RAB19: variants seen among roughly 807,000 people sequenced by gnomAD.
The protein encoded by RAB19 is ras-related protein Rab-19.
A neutral mutation model predicts 17.3 loss-of-function variants in RAB19; 21 were observed. That is an observed-to-expected ratio of 1.21 (90% CI 0.86 to 1.74). The LOEUF is 1.74. RAB19 is among the 40% of genes most tolerant of loss of function. RAB19 has a pLI of 0.00. For synonymous variants in RAB19, 126 were observed against 110.4 expected, an observed-to-expected ratio of 1.14 and a Z score of -0.88; for missense variants, 277 against 286.8, an observed-to-expected ratio of 0.97 and a Z score of 0.25.
chr7:140,411,719 A>G (rs1799365654), intron 2 of RAB19, 155 bp from the exon 3 acceptor site: 8 of 1,488,146 alleles, frequency 5.4e-6, no homozygotes, highest in African/African-American at 1.4e-5. Flanking sequence ...GGAGCAACTG[A>G]AAGAATAGAT....
At chr7:140,405,833 G>A (rs1029542629) in intron 1 of RAB19, among the ~76,000 whole-genome samples, 8 of 144,242 alleles carry the variant, frequency 5.5e-5, no homozygotes, top group African/African-American at 2.0e-4. Flanking sequence ...ATTTTTAAAA[G>A]AACAAGGTAA....
intron 3 of RAB19, among the ~76,000 whole-genome samples, chr7:140,417,834 C>T (rs1021553959): frequency 2.0e-5 from 3 of 152,170 alleles, no homozygotes; most frequent in African/African-American, 4.8e-5. Context: ...CCTTTTCCTG[C>T]CTGTGTGGGA....
At chr7:140,419,602 C>T (rs1236470805) in intron 3 of RAB19, among the ~76,000 whole-genome samples, 1 of 152,154 alleles carries the variant, frequency 6.6e-6, no homozygotes, top group Non-Finnish European at 1.5e-5. Context: ...AGGAAAATTG[C>T]TGCTCCGAAC....
At chr7:140,408,356 C>T (rs368063415) in intron 2 of RAB19, among the ~76,000 whole-genome samples, 6 of 151,908 alleles carry the variant, frequency 3.9e-5, no homozygotes, top group African/African-American at 1.4e-4. Context: ...AACCCAGAAG[C>T]CAATAAGGAA....
chr7:140,418,142 A>G (rs1389314448), intron 3 of RAB19, among the ~76,000 whole-genome samples: 1 of 152,168 alleles, frequency 6.6e-6, no homozygotes, highest in Non-Finnish European at 1.5e-5. Flanking sequence ...GGTGACAGTG[A>G]CTATGGGAAA....
chr7:140,427,539 C>T lies in RAB19; in HGVS notation c.*1389C>T, dbSNP rs1048603694. On this transcript the variant is annotated 3_prime_UTR_variant, in exon 4 of 4. Coordinates refer to ENST00000537763, the MANE Select transcript of RAB19 (RefSeq NM_001008749.3). The stretch of plus-strand genomic sequence containing the variant: ...TGACCTCGGCTCACTGCAACTTCTG[C>T]CTTCCAGATTCAAGTGATTCTCCTG... Among the ~76,000 whole-genome samples the T allele has an allele frequency of 1.3e-5, 2 of 150,710 alleles. No homozygotes were observed. The highest frequency in any genetic ancestry group is 2.9e-5 in the Non-Finnish European group (2 of 67,828).
intron 3 of RAB19, 107 bp downstream of exon 3, chr7:140,412,164 T>C: frequency 1.6e-6 from 2 of 1,221,918 alleles, no homozygotes; most frequent in Non-Finnish European, 2.3e-6. Context: ...AAAGTGTAAG[T>C]GATGCAGCCG....
chr7:140,426,137 A>G lies in RAB19; in HGVS notation c.641A>G (p.His214Arg). 11 of 1,613,314 alleles carry G rather than the reference A, an allele frequency of 6.8e-6. No individual in the cohort carries two copies. The highest frequency in any genetic ancestry group is 9.3e-6 in the Non-Finnish European group (11 of 1,179,650). ...GCCCAGGGTCCAAGTGAAAAGACCC[A>G]CTGCACTTGCTAAGATGTTTGCAAA... is the stretch of plus-strand genomic sequence containing the variant. ...LMAQGPSEKT[H>R]CTC Residue 214 changes from histidine (H) to arginine (R), a missense_variant, in exon 4 of 4, where the codon CAC becomes CGC. Physicochemically the swap from His to Arg is conservative, Grantham distance 29. Coordinates refer to ENST00000537763, the MANE Select transcript of RAB19 (RefSeq NM_001008749.3).
rs1799676710 is a variant in RAB19, at chr7:140,426,686, G to A, written c.*536G>A. On this transcript the variant is annotated 3_prime_UTR_variant, in exon 4 of 4. Transcript: ENST00000537763. ...ACACCTCAGGTCTTCACTTTGGGGAGCGAAGCCTTTTAGCAGAAATACCAG... is the reference window on the plus strand; with the variant it reads ...ACACCTCAGGTCTTCACTTTGGGGAACGAAGCCTTTTAGCAGAAATACCAG... 1.3e-5 allele frequency among the ~76,000 whole-genome samples: 2 copies of A among 152,130 alleles called. No homozygotes were observed. Among genetic ancestry groups the A allele is most frequent in the South Asian group, 2.1e-4 (1 of 4,834 alleles).
intron 2 of RAB19, among the ~76,000 whole-genome samples, chr7:140,411,387 GA>G (rs1169540022): frequency 6.6e-6 from 1 of 152,102 alleles, no homozygotes; most frequent in African/African-American, 2.4e-5. Context: ...GCGACAGAGC[GA>G]GACTCCATCT....
chr7:140,418,462 G>C (rs547482271), intron 3 of RAB19, among the ~76,000 whole-genome samples: 1 of 150,460 alleles, frequency 6.6e-6, no homozygotes, highest in Non-Finnish European at 1.5e-5. Flanking sequence ...TGTAGTCCCA[G>C]CTACTCGGGA....
intron 2 of RAB19, chr7:140,410,906 T>C: frequency 7.3e-7 from 1 of 1,364,318 alleles, no homozygotes. Flanking sequence ...CTTGGGTGGC[T>C]AATTTGGGAG....
In RAB19 at chr7:140,426,912, GCTCA is replaced by G. The variant is rs1255319628; in HGVS notation, c.*765_*768del. Among the ~76,000 whole-genome samples, 1 of 149,606 alleles carries G rather than the reference GCTCA, an allele frequency of 6.7e-6. No homozygotes were observed. The highest frequency in any genetic ancestry group is 2.0e-4 in the East Asian group (1 of 5,124). ...GCTGGAGTATAGTGGTGGGATCTTG[GCTCA>G]CTGCAACCTCTACCTCCTGGGTTCA... On this transcript the variant is annotated 3_prime_UTR_variant, in exon 4 of 4. Coordinates refer to ENST00000537763, the MANE Select transcript of RAB19 (RefSeq NM_001008749.3).
chr7:140,425,627 G>A (rs1456376910), intron 3 of RAB19, among the ~76,000 whole-genome samples: 3 of 151,938 alleles, frequency 2.0e-5, no homozygotes, highest in Non-Finnish European at 4.4e-5. Context: ...GGGAGGCTGA[G>A]GCAGGAGAAT....
Position 140,427,016 on chromosome 7 carries a change from A to G in RAB19, c.*866A>G, listed in dbSNP as rs1799684306. 6.8e-6 allele frequency among the ~76,000 whole-genome samples: 1 copy of G among 148,042 alleles called. No individual in the cohort carries two copies. Among genetic ancestry groups the G allele is most frequent in the East Asian group, 2.0e-4 (1 of 4,962 alleles). ...GCCACCACTCCTGGCTAATTTTTGTATTTTTTGTAGAGACAAGGTTTCACC... is the reference window on the plus strand; with the variant it reads ...GCCACCACTCCTGGCTAATTTTTGTGTTTTTTGTAGAGACAAGGTTTCACC... On this transcript the variant is annotated 3_prime_UTR_variant, in exon 4 of 4. Transcript: ENST00000537763.
At chr7:140,406,081 A>C (rs1799235193) in intron 1 of RAB19, among the ~76,000 whole-genome samples, 1 of 151,966 alleles carries the variant, frequency 6.6e-6, no homozygotes, top group South Asian at 2.1e-4. Flanking sequence ...TGTATCGACT[A>C]AAAATACAAA....
rs71170993 is a variant in RAB19, at chr7:140,407,880, CTTTTTTTTTTT to C, written c.201+49_201+59del. 1,374 of 638,616 alleles carry C rather than the reference CTTTTTTTTTTT, an allele frequency of 2.2e-3. 1 individual carries two copies. The highest frequency in any genetic ancestry group is 2.8e-3 in the Non-Finnish European group (1,196 of 433,860). The allele number at this position is 638,616 out of a possible 1,614,324, so 39.6% of individuals were successfully genotyped here. A position where few individuals can be genotyped will look rare whatever the true frequency, so the allele number is the denominator to read the frequency against. ...GGCACCGGGACGGGACTGGTTCCAC[CTTTTTTTTTTT>C]TTTTTTTTTTTTTTTCCTTGAGACG... On this transcript the variant is annotated intron_variant, in intron 2 of 3. Transcript: ENST00000537763.
At chr7:140,406,341 A>G (rs1012158903) in intron 1 of RAB19, among the ~76,000 whole-genome samples, 1 of 151,692 alleles carries the variant, frequency 6.6e-6, no homozygotes, top group Non-Finnish European at 1.5e-5. Context: ...CACTGTCATT[A>G]GAAACCTTAA....
intron 1 of RAB19, among the ~76,000 whole-genome samples, chr7:140,406,782 A>G (rs1299904912): frequency 4.6e-5 from 7 of 152,236 alleles, no homozygotes; most frequent in African/African-American, 1.7e-4. Flanking sequence ...TTAGGCTCCA[A>G]ACAGAACAAA....
Sources: allele counts gnomAD v4.1 joint callset (sites outside exome capture counted in the v4.1 genomes callset), GRCh38; gene constraint gnomAD v4.1.1; transcripts MANE v1.5; gene names NCBI Gene and HGNC (gene_info 2026-07-23, HGNC 2026-07-21).